Variants in MYOCD observed in about 807,000 individuals in gnomAD.
The protein encoded by MYOCD is myocardin.
A neutral mutation model predicts 96.1 loss-of-function variants in MYOCD; 32 were observed. That is an observed-to-expected ratio of 0.33 (90% CI 0.25 to 0.45). MYOCD has a LOEUF of 0.45. MYOCD is among the 20% of genes least tolerant of loss of function. The probability of loss-of-function intolerance (pLI) is 1.00; values close to 1 mark genes in which losing one functional copy is unlikely to be tolerated. For missense variants in MYOCD, 1,133 were observed against 1,200.6 expected (o/e 0.94, Z 0.83); for synonymous variants, 469 against 469.0 (o/e 1.00, Z 0.00).
At chr17:12,680,144 TCTC>T (rs1910363529) in intron 1 of MYOCD, among the ~76,000 whole-genome samples, 1 of 152,170 alleles carries the variant, frequency 6.6e-6, no homozygotes, top group Non-Finnish European at 1.5e-5. Flanking sequence ...GAATGAAGAC[TCTC>T]CTCTTAATTT....
intron 4 of MYOCD, among the ~76,000 whole-genome samples, chr17:12,722,470 C>T (rs1453979844): frequency 6.6e-6 from 1 of 152,178 alleles, no homozygotes; most frequent in Non-Finnish European, 1.5e-5. Flanking sequence ...CAACAGATAA[C>T]ATTTACTGCA....
chr17:12,742,193 T>A (rs1337121903), intron 7 of MYOCD, among the ~76,000 whole-genome samples: 1 of 152,104 alleles, frequency 6.6e-6, no homozygotes, highest in Non-Finnish European at 1.5e-5. Flanking sequence ...GAAGACTGAT[T>A]AACTAACTAG....
chr17:12,744,328 G>T lies in MYOCD; in HGVS notation c.863G>T (p.Arg288Leu). 1 of 1,614,144 alleles carries T rather than the reference G, an allele frequency of 6.2e-7. No individual in the cohort carries two copies. Among genetic ancestry groups the T allele is most frequent in the African/African-American group, 1.3e-5 (1 of 75,018 alleles). Residue 288 changes from arginine to leucine, a missense_variant, in exon 8 of 14, where the codon CGG (arginine) becomes CTG (leucine). Physicochemically the swap from Arg to Leu is moderately radical, Grantham distance 102. Coordinates refer to ENST00000425538, the MANE Select transcript of MYOCD (RefSeq NM_001146312.3). ...CCACCTATGGACTCAGCCTACGCTC[G>T]GCTGCTCCAGCAACAGCAGCTGTTC... Reference protein sequence around the residue: ...SPPPMDSAYARLLQQQQLFLQ... With the variant: ...SPPPMDSAYALLLQQQQLFLQ...
chr17:12,704,312 G>T (rs1250156291), intron 1 of MYOCD, among the ~76,000 whole-genome samples: 1 of 152,106 alleles, frequency 6.6e-6, no homozygotes, highest in East Asian at 1.9e-4. Flanking sequence ...AGGAGAGGGG[G>T]CAATGGGAAG....
intron 12 of MYOCD, among the ~76,000 whole-genome samples, chr17:12,759,444 C>G (rs2033107307): frequency 6.6e-6 from 1 of 152,198 alleles, no homozygotes; most frequent in African/African-American, 2.4e-5. Flanking sequence ...CTGCCAGACC[C>G]TTAGGCATCT....
chr17:12,718,693 G>A (rs1051049536), intron 4 of MYOCD, among the ~76,000 whole-genome samples: 1 of 152,152 alleles, frequency 6.6e-6, no homozygotes, highest in Non-Finnish European at 1.5e-5. Flanking sequence ...TGGGATGGGA[G>A]GCTTTGATCT....
At position 12,715,511 on chromosome 17, in the gene MYOCD, T is replaced by C; in HGVS notation, c.122-8T>C. 1.2e-6 allele frequency: 2 copies of C among 1,613,294 alleles called. No individual in the cohort carries two copies. The highest frequency in any genetic ancestry group is 2.2e-5 in the East Asian group (1 of 44,864). Reference sequence around the variant, plus strand: ...GCCTCCACTCACGTTTTTGTGTTTCTGTTTCAGCACTGAAACGTCCAGCTG... The same window carrying C: ...GCCTCCACTCACGTTTTTGTGTTTCCGTTTCAGCACTGAAACGTCCAGCTG... On this transcript the variant is annotated splice_polypyrimidine_tract_variant and splice_region_variant and intron_variant, in intron 2 of 13. Coordinates refer to ENST00000425538, the MANE Select transcript of MYOCD (RefSeq NM_001146312.3).
At position 12,719,281 on chromosome 17, in the gene MYOCD, A is replaced by G. The variant is rs938560398; in HGVS notation, c.253+1860A>G. Among the ~76,000 whole-genome samples, 57 of 151,400 alleles carry G rather than the reference A, an allele frequency of 3.8e-4. 1 individual carries two copies. The highest frequency in any genetic ancestry group is 1.2e-4 in the Non-Finnish European group (8 of 67,928). On this transcript the variant is annotated intron_variant, in intron 4 of 13. Coordinates refer to ENST00000425538, the MANE Select transcript of MYOCD (RefSeq NM_001146312.3). ...TGTGGCAAGAGTTACATGCGTTCCC[A>G]TACACTGCTGGTGGGAGTGCAATTG...
intron 5 of MYOCD, among the ~76,000 whole-genome samples, chr17:12,726,097 A>G (rs1194687894): frequency 6.6e-6 from 1 of 152,160 alleles, no homozygotes; most frequent in Non-Finnish European, 1.5e-5. Flanking sequence ...TGGGGAACAA[A>G]CCACAAAACT....
At chr17:12,700,100 G>A (rs1443474221) in intron 1 of MYOCD, among the ~76,000 whole-genome samples, 2 of 151,328 alleles carry the variant, frequency 1.3e-5, no homozygotes, top group Admixed American at 6.6e-5. Flanking sequence ...TAGTAGAGAC[G>A]GGGTTTTGTC....
At position 12,756,496 on chromosome 17, in the gene MYOCD, C is replaced by T; in HGVS notation, c.2141C>T (p.Ala714Val). 2.6e-6 allele frequency: 4 copies of T among 1,551,888 alleles called. No individual in the cohort carries two copies. Among genetic ancestry groups the T allele is most frequent in the Non-Finnish European group, 3.5e-6 (4 of 1,147,060 alleles). The change falls in exon 11 of 14, where the codon GCA becomes GTA. Residue 714 changes from alanine to valine, a missense_variant. Coordinates refer to ENST00000425538, the MANE Select transcript of MYOCD (RefSeq NM_001146312.3). The part of the protein sequence containing the change: ...SLHPPFSGAQ[A>V]DSSHGAGGNP... ...CACCCGCCCTTCTCTGGAGCCCAAG[C>T]AGACAGCAGTCATGGTGCCGGGGGA...
intron 1 of MYOCD, among the ~76,000 whole-genome samples, chr17:12,675,300 G>C (rs535065606): frequency 2.6e-5 from 4 of 152,230 alleles, no homozygotes; most frequent in African/African-American, 9.6e-5. Flanking sequence ...TATCCATACT[G>C]TAAAGTCTTA....
chr17:12,699,445 T>C (rs957030006), intron 1 of MYOCD, among the ~76,000 whole-genome samples: 10 of 152,230 alleles, frequency 6.6e-5, no homozygotes, highest in Non-Finnish European at 2.9e-5. Context: ...TATATTTCTC[T>C]TCTTTTAGAA....
At chr17:12,746,138 C>T (rs2032659216) in intron 9 of MYOCD, 66 bp downstream of exon 9, 2 of 1,506,458 alleles carry the variant, frequency 1.3e-6, no homozygotes, top group Admixed American at 1.8e-5. Flanking sequence ...GTTAACATCA[C>T]CAGGACCAAC....
chr17:12,736,360 A>T, intron 6 of MYOCD, 24 bp downstream of exon 6: 1 of 1,608,928 alleles, frequency 6.2e-7, no homozygotes, highest in Non-Finnish European at 8.5e-7. Context: ...CAAACAAACG[A>T]AAAAAGTAAA....
chr17:12,726,536 G>T, intron 5 of MYOCD, among the ~76,000 whole-genome samples: 1 of 152,114 alleles, frequency 6.6e-6, no homozygotes, highest in East Asian at 1.9e-4. Flanking sequence ...ATTCCATTGT[G>T]AGAACAGTAC....
intron 3 of MYOCD, among the ~76,000 whole-genome samples, 174 bp downstream of exon 3, chr17:12,715,748 G>A (rs78710738): frequency 0.02 from 3,099 of 152,206 alleles, 149 homozygotes; most frequent in Admixed American, 0.11. Context: ...ATAGAAATAG[G>A]ATCAACTATA....
At chr17:12,745,788 C>T (rs2032645248) in intron 8 of MYOCD, 131 bp from the exon 9 acceptor site, 2 of 912,342 alleles carry the variant, frequency 2.2e-6, no homozygotes, top group African/African-American at 3.3e-5. Flanking sequence ...TGTTTTTCCT[C>T]ACCCTGGTCT....
In MYOCD at chr17:12,742,564, G is replaced by A. The variant is rs747882888; in HGVS notation, c.718-1619G>A. ...TTTCAACCTTCTGTAATAAAGTCAG[G>A]GTTTGAAAATTATTTTTTTTTTTTG... On this transcript the variant is annotated intron_variant, in intron 7 of 13. Transcript: ENST00000425538. Among the ~76,000 whole-genome samples, 101 of 151,414 alleles carry A rather than the reference G, an allele frequency of 6.7e-4. 1 individual carries two copies. The highest frequency in any genetic ancestry group is 7.5e-4 in the Non-Finnish European group (51 of 67,802).
Sources: allele counts gnomAD v4.1 joint callset (sites outside exome capture counted in the v4.1 genomes callset), GRCh38; gene constraint gnomAD v4.1.1; transcripts MANE v1.5; gene names NCBI Gene and HGNC (gene_info 2026-07-23, HGNC 2026-07-21).